Variants in SLC12A1 observed in about 807,000 individuals in gnomAD.
The protein encoded by SLC12A1 is Na-K-2Cl cotransporter.
SLC12A1 carries 89 observed loss-of-function variants against 130.4 expected under a neutral mutation model. That is an observed-to-expected ratio of 0.68 (90% CI 0.58 to 0.81). The LOEUF is 0.81. Among genes scored for constraint, SLC12A1 ranks in the 40% least tolerant of loss-of-function variants. The pLI is 0.00. For synonymous variants in SLC12A1, 499 were observed against 460.0 expected, an observed-to-expected ratio of 1.08 and a Z score of -1.09; for missense variants, 1,310 against 1,336.4, an observed-to-expected ratio of 0.98 and a Z score of 0.31.
intron 2 of SLC12A1, among the ~76,000 whole-genome samples, chr15:48,209,639 C>T (rs925006606): frequency 3.3e-5 from 5 of 152,106 alleles, no homozygotes; most frequent in South Asian, 2.1e-4. Context: ...CATCCACACC[C>T]GAGAGTCTAG....
intron 20 of SLC12A1, among the ~76,000 whole-genome samples, chr15:48,275,311 CACA>C (rs2041940399): frequency 6.6e-6 from 1 of 152,170 alleles, no homozygotes; most frequent in African/African-American, 2.4e-5. Flanking sequence ...CCACTTACAA[CACA>C]ACATTAAGAA....
At chr15:48,263,674 T>C (rs2041800014) in intron 17 of SLC12A1, among the ~76,000 whole-genome samples, 1 of 151,916 alleles carries the variant, frequency 6.6e-6, no homozygotes, top group South Asian at 2.1e-4. Context: ...AAGCTTCTAC[T>C]CACTTTATTT....
At chr15:48,213,727 G>C (rs987139426) in intron 2 of SLC12A1, among the ~76,000 whole-genome samples, 1 of 151,970 alleles carries the variant, frequency 6.6e-6, no homozygotes, top group Non-Finnish European at 1.5e-5. Context: ...GTTTCACCGT[G>C]TTAGCCAGGA....
intron 2 of SLC12A1, among the ~76,000 whole-genome samples, chr15:48,210,189 C>G (rs4082950): frequency 0.98 from 148,558 of 152,306 alleles, 72,548 homozygotes; most frequent in Middle Eastern, 1. Flanking sequence ...AGGGCAGAAA[C>G]AAATTTAGGG....
intron 14 of SLC12A1, among the ~76,000 whole-genome samples, chr15:48,250,979 G>A (rs1172958068): frequency 6.6e-6 from 1 of 152,140 alleles, no homozygotes; most frequent in Non-Finnish European, 1.5e-5. Flanking sequence ...TGCGCACTGT[G>A]AGAAATATTT....
At chr15:48,264,437 A>T (rs1188049092) in intron 17 of SLC12A1, among the ~76,000 whole-genome samples, 1 of 152,154 alleles carries the variant, frequency 6.6e-6, no homozygotes, top group Non-Finnish European at 1.5e-5. Flanking sequence ...GGAAAACTAA[A>T]TTCTCATTTC....
intron 24 of SLC12A1, among the ~76,000 whole-genome samples, chr15:48,293,468 A>G (rs767355591): frequency 9.9e-5 from 15 of 152,188 alleles, no homozygotes; most frequent in Non-Finnish European, 2.1e-4. Flanking sequence ...AGGTCCTGGA[A>G]TGGCTTAGAT....
intron 5 of SLC12A1, chr15:48,227,521 C>T (rs2041306810): frequency 6.9e-6 from 2 of 291,842 alleles, no homozygotes; most frequent in Non-Finnish European, 1.3e-5. Context: ...CTCCAATGCC[C>T]CAGATGGCAT....
rs748046652 is a variant in SLC12A1 at position 48,214,110 on chromosome 15, G to C, written c.420+5971G>C. ...AAATAAAATAGACATTAAAATTGAA[G>C]CAATAAATGCCTTAAAGTCCAGTGA... On this transcript the variant is annotated intron_variant, in intron 2 of 26. Coordinates refer to ENST00000380993, the MANE Select transcript of SLC12A1 (RefSeq NM_000338.3). Among the ~76,000 whole-genome samples, 18 of 152,054 alleles carry C rather than the reference G, an allele frequency of 1.2e-4. 1 individual carries two copies. The highest frequency in any genetic ancestry group is 1.9e-4 in the Non-Finnish European group (13 of 68,006).
chr15:48,216,466 A>G (rs1205394436), intron 2 of SLC12A1, among the ~76,000 whole-genome samples: 1 of 152,216 alleles, frequency 6.6e-6, no homozygotes, highest in Non-Finnish European at 1.5e-5. Flanking sequence ...TAGCAGAGCA[A>G]TTTCCCAGAC....
Position 48,269,753 on chromosome 15 carries a change from G to T in SLC12A1, c.2391G>T (p.Val797=). ...KAPLTEIENY[V]GIIHDAFDFE... ...CCTTGACAGAGATTGAGAACTACGT[G>T]GGAATCATACAGTAAGTGATGGCTT... Residue 797 remains valine (V), a synonymous_variant, in exon 19 of 27, where the codon GTG becomes GTT. Transcript: ENST00000380993. 6.3e-7 allele frequency: 1 copy of T among 1,585,992 alleles called. No individual in the cohort carries two copies. The highest frequency in any genetic ancestry group is 8.7e-7 in the Non-Finnish European group (1 of 1,154,998).
At chr15:48,267,377 T>G (rs2141087148) in intron 17 of SLC12A1, among the ~76,000 whole-genome samples, 184 bp from the exon 18 acceptor site, 1 of 152,256 alleles carries the variant, frequency 6.6e-6, no homozygotes, top group East Asian at 1.9e-4. Flanking sequence ...AAATGAATGG[T>G]GTGAATACCG....
chr15:48,293,429 T>C (rs890139512), intron 24 of SLC12A1, among the ~76,000 whole-genome samples: 3 of 152,240 alleles, frequency 2.0e-5, no homozygotes, highest in Admixed American at 1.3e-4. Flanking sequence ...GAGTGGGGCC[T>C]CCAAGAGGAA....
At chr15:48,246,695 C>T (rs534717738) in intron 11 of SLC12A1, among the ~76,000 whole-genome samples, 2 of 152,132 alleles carry the variant, frequency 1.3e-5, no homozygotes, top group Non-Finnish European at 2.9e-5. Flanking sequence ...GTACAAGAAT[C>T]GCTTGAACCG....
At chr15:48,225,415 G>T (rs1167460169) in intron 4 of SLC12A1, 6 of 152,076 alleles carry the variant, frequency 3.9e-5, no homozygotes, top group African/African-American at 1.2e-4. Context: ...ATGTTTATAG[G>T]TGTCTATAAC....
chr15:48,265,258 TA>T (rs1320383324), intron 17 of SLC12A1, among the ~76,000 whole-genome samples: 5 of 152,216 alleles, frequency 3.3e-5, no homozygotes, highest in African/African-American at 1.2e-4. Context: ...GGCATTAAAG[TA>T]AATCTCTCTG....
chr15:48,259,967 T>C lies in SLC12A1; in HGVS notation c.2154+656T>C, dbSNP rs555881226. Among the ~76,000 whole-genome samples the C allele has an allele frequency of 6.6e-5, 10 of 152,236 alleles. 1 individual carries two copies. In the East Asian group the frequency reaches 1.9e-3, roughly 29 times the overall value. ...CTCAAGTGTGGAGAAAGCATTAAAA[T>C]AATAATAAAATAATAAGCCAAAGGG... On this transcript the variant is annotated intron_variant, in intron 17 of 26. Transcript: ENST00000380993.
intron 17 of SLC12A1, among the ~76,000 whole-genome samples, chr15:48,263,687 ATT>A (rs1566846686): frequency 4.0e-5 from 6 of 150,230 alleles, no homozygotes; most frequent in African/African-American, 1.5e-4. Flanking sequence ...CTTTATTTTT[ATT>A]TATTTATTTA....
chr15:48,266,069 C>T (rs551092212), intron 17 of SLC12A1, among the ~76,000 whole-genome samples: 3 of 152,300 alleles, frequency 2.0e-5, no homozygotes, highest in South Asian at 2.1e-4. Flanking sequence ...AGCCACATTT[C>T]AAATGTTCAA....
Sources: gnomAD v4.1 joint callset for allele counts (sites outside exome capture counted in the v4.1 genomes callset) on GRCh38, gnomAD v4.1.1 for gene constraint, MANE v1.5 for transcripts, NCBI Gene and HGNC (gene_info 2026-07-23, HGNC 2026-07-21) for gene names.